JDP2: variants seen among roughly 807,000 people sequenced by gnomAD.
JDP2 encodes progesterone receptor co-activator.
JDP2 carries 9 observed loss-of-function variants against 17.1 expected under a neutral mutation model. The observed-to-expected ratio is 0.53, with a 90% CI of 0.32 to 0.92. JDP2 has a LOEUF of 0.92. JDP2 is among the 40% of genes least tolerant of loss of function. JDP2 has a pLI of 0.04. For synonymous variants in JDP2, 107 were observed against 95.6 expected (o/e 1.12, Z -0.69); for missense variants, 179 against 220.0 (o/e 0.81, Z 1.18).
At chr14:75,464,396 G>A (rs3784012) in intron 3 of JDP2, among the ~76,000 whole-genome samples, 74,617 of 152,000 alleles carry the variant, frequency 0.49, 19,000 homozygotes, top group African/African-American at 0.63. Context: ...TAGATCAAAA[G>A]TATTCAGAAA....
intron 1 of JDP2, chr14:75,432,332 A>G (rs1884845762): frequency 6.4e-7 from 1 of 1,551,522 alleles, no homozygotes; most frequent in South Asian, 1.2e-5. Flanking sequence ...GATTCATGGT[A>G]GCAGGTACTA....
At chr14:75,436,932 G>A (rs780617263) in intron 1 of JDP2, among the ~76,000 whole-genome samples, 4 of 152,184 alleles carry the variant, frequency 2.6e-5, no homozygotes, top group East Asian at 1.9e-4. Flanking sequence ...AGTGGCTCAC[G>A]CCTATAATCC....
intron 1 of JDP2, among the ~76,000 whole-genome samples, chr14:75,429,532 C>G (rs1884695600): frequency 6.6e-6 from 1 of 152,176 alleles, no homozygotes; most frequent in Non-Finnish European, 1.5e-5. Context: ...CCCTTCCCCC[C>G]AACCTTCCTT....
At chr14:75,458,762 C>A (rs144436720) in intron 2 of JDP2, among the ~76,000 whole-genome samples, 1 of 152,214 alleles carries the variant, frequency 6.6e-6, no homozygotes, top group East Asian at 1.9e-4. Flanking sequence ...GTCAAAGGAC[C>A]CTTCCTGGAG....
Position 75,471,784 on chromosome 14 carries a change from G to A in JDP2, c.*2309G>A. The A allele has an allele frequency of 6.4e-6, 1 of 157,294 alleles. No homozygotes were observed. The allele number at this position is 157,294 out of a possible 1,614,324, so 9.7% of individuals were successfully genotyped here. Reference sequence around the variant, plus strand: ...TGCCTTCTGTCTCGGGGGTCTTGAGGCTGTCGGTCCGGACGATGCAGGTGA... The same window carrying A: ...TGCCTTCTGTCTCGGGGGTCTTGAGACTGTCGGTCCGGACGATGCAGGTGA... On this transcript the variant is annotated 3_prime_UTR_variant, in exon 4 of 4. Coordinates refer to ENST00000651602, the MANE Select transcript of JDP2 (RefSeq NM_001135048.2).
intron 2 of JDP2, among the ~76,000 whole-genome samples, chr14:75,442,020 C>T (rs1048546916): frequency 1.3e-5 from 2 of 151,886 alleles, no homozygotes; most frequent in African/African-American, 4.8e-5. Flanking sequence ...TAGACAGGAC[C>T]CCTCACCCTC....
intron 1 of JDP2, chr14:75,432,177 GGCCTTCCCCATCATCTTGCTTCTC>G: frequency 1.4e-6 from 1 of 724,858 alleles, no homozygotes; most frequent in East Asian, 2.7e-5. Flanking sequence ...TCAGTCTTGG[GGCCTTCCCCATCATCTTGCTTCTC>G]GCCTTCTGGA....
chr14:75,441,194 C>T (rs867696034), intron 2 of JDP2, among the ~76,000 whole-genome samples: 1 of 152,000 alleles, frequency 6.6e-6, no homozygotes, highest in South Asian at 2.1e-4. Flanking sequence ...GCAGCTCTGT[C>T]AGAGCTGGTT....
At chr14:75,433,746 C>G in intron 1 of JDP2, among the ~76,000 whole-genome samples, 1 of 152,020 alleles carries the variant, frequency 6.6e-6, no homozygotes, top group South Asian at 2.1e-4. Context: ...ACCCAGCTTT[C>G]CTTCATTGGC....
chr14:75,450,899 C>T (rs766412724), intron 2 of JDP2, among the ~76,000 whole-genome samples: 10 of 152,198 alleles, frequency 6.6e-5, no homozygotes, highest in Non-Finnish European at 1.3e-4. Flanking sequence ...AGCAGAGGGA[C>T]ACCTCCTCAG....
chr14:75,470,581 A>G lies in JDP2; in HGVS notation c.*1106A>G, dbSNP rs764066741. ...CAGCTCTCCTATTTCACAGATGAGG[A>G]AGCTAAGGCTCAGAGACATTAAGCC... On this transcript the variant is annotated 3_prime_UTR_variant, in exon 4 of 4. Transcript: ENST00000651602. The G allele has an allele frequency of 3.3e-5, 5 of 152,250 alleles. No individual in the cohort carries two copies. The highest frequency in any genetic ancestry group is 1.5e-5 in the Non-Finnish European group (1 of 68,062). 9.4% of individuals were successfully genotyped at this position (152,250 alleles called of 1,614,324 possible).
chr14:75,435,847 G>C (rs1244068392), intron 1 of JDP2, among the ~76,000 whole-genome samples: 1 of 152,180 alleles, frequency 6.6e-6, no homozygotes, highest in Non-Finnish European at 1.5e-5. Context: ...AGGCACAGTA[G>C]GTAGAGCACA....
In JDP2 at chr14:75,470,014, T is replaced by C. The variant is rs1428432065; in HGVS notation, c.*539T>C. The C allele has an allele frequency of 2.0e-5, 3 of 152,834 alleles. No individual in the cohort carries two copies. The highest frequency in any genetic ancestry group is 6.5e-5 in the Admixed American group (1 of 15,296). 9.5% of individuals were successfully genotyped at this position (152,834 alleles called of 1,614,324 possible). ...CACCCACCTCGGTCCAGCGCGGCCC[T>C]GCCCAGGAGGCGGCAGCCGGGCGCA... On this transcript the variant is annotated 3_prime_UTR_variant, in exon 4 of 4. Coordinates refer to ENST00000651602, the MANE Select transcript of JDP2 (RefSeq NM_001135048.2).
chr14:75,436,617 T>C (rs1885075839), intron 1 of JDP2, among the ~76,000 whole-genome samples: 2 of 152,240 alleles, frequency 1.3e-5, no homozygotes, highest in Admixed American at 1.3e-4. Context: ...ATATTCCTAG[T>C]GCCTGCTGGC....
At chr14:75,446,156 C>G (rs1885590620) in intron 2 of JDP2, among the ~76,000 whole-genome samples, 1 of 152,132 alleles carries the variant, frequency 6.6e-6, no homozygotes, top group Admixed American at 6.5e-5. Flanking sequence ...GAGATAATAA[C>G]AAGTATTGGT....
chr14:75,431,894 T>C (rs949145061), intron 1 of JDP2, among the ~76,000 whole-genome samples: 1 of 152,280 alleles, frequency 6.6e-6, no homozygotes, highest in Non-Finnish European at 1.5e-5. Flanking sequence ...GTGCAGGCAC[T>C]GTTCCAGGTA....
intron 3 of JDP2, among the ~76,000 whole-genome samples, chr14:75,467,285 A>T (rs761721665): frequency 2.6e-5 from 4 of 152,060 alleles, no homozygotes; most frequent in Non-Finnish European, 4.4e-5. Context: ...TCCCCTTCTC[A>T]ACCCAGCCTG....
chr14:75,440,015 T>C (rs1452339829), intron 2 of JDP2, among the ~76,000 whole-genome samples: 2 of 152,224 alleles, frequency 1.3e-5, no homozygotes, highest in Non-Finnish European at 2.9e-5. Context: ...CTGGAGGAAC[T>C]CTTCCCTTTT....
chr14:75,450,623 G>A lies in JDP2; in HGVS notation c.202-10803G>A, dbSNP rs556114662. On this transcript the variant is annotated intron_variant, in intron 2 of 3. Coordinates refer to ENST00000651602, the MANE Select transcript of JDP2 (RefSeq NM_001135048.2). ...CGTCCAGTGTGTGGGTTTGTTCACA[G>A]GTGAATGTGCTTGATTACATCCTGC... Among the ~76,000 whole-genome samples, 3 of 152,352 alleles carry A rather than the reference G, an allele frequency of 2.0e-5. No individual in the cohort carries two copies. The East Asian group carries it at 5.8e-4, about 29-fold the overall frequency.
Sources: gnomAD v4.1 joint callset for allele counts (sites outside exome capture counted in the v4.1 genomes callset) on GRCh38, gnomAD v4.1.1 for gene constraint, MANE v1.5 for transcripts, NCBI Gene and HGNC (gene_info 2026-07-23, HGNC 2026-07-21) for gene names.